Variants in RANBP2 observed in about 807,000 individuals in gnomAD.
The protein encoded by RANBP2 is E3 SUMO-protein ligase RanBP2.
A neutral mutation model predicts 303.6 loss-of-function variants in RANBP2; 57 were observed. The observed-to-expected ratio is 0.19, with a 90% CI of 0.15 to 0.23. The LOEUF (loss-of-function observed/expected upper bound fraction) is 0.23. RANBP2 is among the 10% of genes least tolerant of loss of function. The pLI is 1.00. For synonymous variants in RANBP2, 1,167 were observed against 1,301.5 expected (o/e 0.90, Z 2.23); for missense variants, 3,138 against 3,780.8 (o/e 0.83, Z 4.46).
At chr2:109,336,105 T>C in the RANBP2 span, among the ~76,000 whole-genome samples, 2 of 152,210 alleles carry the variant, frequency 1.3e-5, no homozygotes, top group African/African-American at 4.8e-5. Flanking sequence ...GTAAGCTCTT[T>C]AATATTTTAG....
At chr2:108,996,298 C>T in the RANBP2 span, among the ~76,000 whole-genome samples, 1 of 152,202 alleles carries the variant, frequency 6.6e-6, no homozygotes, top group Non-Finnish European at 1.5e-5. Flanking sequence ...GGGATCTTTA[C>T]ACCCCAGGTG....
the RANBP2 span, among the ~76,000 whole-genome samples, chr2:109,110,339 G>A: frequency 6.6e-6 from 1 of 152,140 alleles, no homozygotes; most frequent in Non-Finnish European, 1.5e-5. Context: ...AGGCCTGATC[G>A]TCTCTGAACC....
chr2:109,014,206 G>A, the RANBP2 span, among the ~76,000 whole-genome samples: 4 of 152,156 alleles, frequency 2.6e-5, no homozygotes, highest in Non-Finnish European at 5.9e-5. Context: ...TCTTTCAGCA[G>A]GGCTGCCCAA....
At chr2:109,246,495 A>G in the RANBP2 span, among the ~76,000 whole-genome samples, 1 of 152,252 alleles carries the variant, frequency 6.6e-6, no homozygotes, top group African/African-American at 2.4e-5. Flanking sequence ...GATTTAACAT[A>G]TGACTTTTAG....
the RANBP2 span, among the ~76,000 whole-genome samples, chr2:108,926,019 TTTTCTA>T: frequency 3.7e-4 from 57 of 152,270 alleles, no homozygotes; most frequent in Middle Eastern, 3.4e-3. Context: ...GAAGCCACCG[TTTTCTA>T]GCACGTATTG....
the RANBP2 span, chr2:109,585,951 T>C: frequency 1.0e-5 from 7 of 689,774 alleles, no homozygotes; most frequent in Admixed American, 2.8e-5. Context: ...ATTTTTATAA[T>C]CATTATACCT....
At chr2:109,193,879 G>A in the RANBP2 span, among the ~76,000 whole-genome samples, 2 of 152,158 alleles carry the variant, frequency 1.3e-5, no homozygotes, top group African/African-American at 2.4e-5. Flanking sequence ...GATAATCTCC[G>A]TTTACAGGGT....
chr2:109,098,045 C>G, the RANBP2 span, among the ~76,000 whole-genome samples: 9 of 152,126 alleles, frequency 5.9e-5, no homozygotes, highest in Admixed American at 5.2e-4. Flanking sequence ...GGTGAGGGAG[C>G]AGGGCAGGTT....
chr2:109,358,440 G>A, the RANBP2 span, among the ~76,000 whole-genome samples: 2 of 152,204 alleles, frequency 1.3e-5, no homozygotes, highest in Admixed American at 1.3e-4. Context: ...AGTTTGCATG[G>A]TAAAAGCATG....
the RANBP2 span, chr2:109,141,593 T>A: frequency 6.5e-6 from 1 of 154,892 alleles, no homozygotes. Context: ...ACTGCACTTT[T>A]CTCTATCGTG....
the RANBP2 span, among the ~76,000 whole-genome samples, chr2:108,844,062 A>C: frequency 0.71 from 106,704 of 150,996 alleles, 41,065 homozygotes; most frequent in East Asian, 0.9. Flanking sequence ...GGGTCTCCCT[A>C]TGTTGCCCAG....
chr2:109,293,902 G>A, the RANBP2 span, among the ~76,000 whole-genome samples: 3 of 152,172 alleles, frequency 2.0e-5, no homozygotes, highest in East Asian at 3.9e-4. Context: ...GCTTGTTGCC[G>A]AGTAGCCCTG....
chr2:109,293,913 A>C, the RANBP2 span, among the ~76,000 whole-genome samples: 1 of 151,710 alleles, frequency 6.6e-6, no homozygotes, highest in Non-Finnish European at 1.5e-5. Context: ...AGTAGCCCTG[A>C]CTCTTTACCA....
the RANBP2 span, among the ~76,000 whole-genome samples, chr2:109,051,869 A>C: frequency 6.6e-6 from 1 of 151,394 alleles, no homozygotes; most frequent in Non-Finnish European, 1.5e-5. Context: ...CTACCTCAGC[A>C]TCCCGAGTAG....
At chr2:108,917,020 C>T in the RANBP2 span, among the ~76,000 whole-genome samples, 2 of 152,172 alleles carry the variant, frequency 1.3e-5, no homozygotes, top group Non-Finnish European at 2.9e-5. Context: ...TCCCTGCGCT[C>T]GGAGCTCGGC....
chr2:108,735,890 A>T (rs908808155), intron 5 of RANBP2, 128 bp downstream of exon 5: 3 of 1,541,928 alleles, frequency 1.9e-6, no homozygotes, highest in Non-Finnish European at 2.6e-6. Context: ...TATAAAATGA[A>T]ATTTTTACCA....
the RANBP2 span, among the ~76,000 whole-genome samples, chr2:109,275,390 A>G: frequency 6.6e-6 from 1 of 152,164 alleles, no homozygotes; most frequent in African/African-American, 2.4e-5. Flanking sequence ...GGTTAGTGTG[A>G]TGTGGCCTGA....
the RANBP2 span, among the ~76,000 whole-genome samples, chr2:109,586,909 G>A: frequency 6.6e-6 from 1 of 152,130 alleles, no homozygotes; most frequent in African/African-American, 2.4e-5. Context: ...TTAATTGCCT[G>A]TTAGAACAAA....
chr2:109,251,794 A>T, the RANBP2 span: 1 of 513,634 alleles, frequency 1.9e-6, no homozygotes, highest in Non-Finnish European at 3.4e-6. Context: ...ATTAGATAAT[A>T]CTAAAAAATA....
Sources: gnomAD v4.1 joint callset for allele counts (sites outside exome capture counted in the v4.1 genomes callset) on GRCh38, gnomAD v4.1.1 for gene constraint, MANE v1.5 for transcripts, NCBI Gene and HGNC (gene_info 2026-07-23, HGNC 2026-07-21) for gene names.